DISC1: variants seen among roughly 807,000 people sequenced by gnomAD.
The protein encoded by DISC1 is disrupted in schizophrenia 1 protein.
Under a neutral mutation model 84.5 loss-of-function variants are expected in DISC1, and 57 were observed. The ratio of observed to expected loss-of-function variants is 0.67; its 90% CI spans 0.55 to 0.84. The LOEUF (loss-of-function observed/expected upper bound fraction) is 0.84. DISC1 is among the 40% of genes least tolerant of loss of function. The pLI is 0.00. For missense variants in DISC1, 1,000 were observed against 1,057.8 expected (o/e 0.95, Z 0.76); for synonymous variants, 411 against 415.2 (o/e 0.99, Z 0.12).
intron 1 of DISC1, among the ~76,000 whole-genome samples, chr1:231,661,032 G>C (rs1405571962): frequency 2.6e-5 from 4 of 152,110 alleles, no homozygotes; most frequent in African/African-American, 9.7e-5. Flanking sequence ...GAAATCTTGG[G>C]TTGGAAATTC....
At chr1:231,931,375 G>C (rs2126105967) in intron 9 of DISC1, among the ~76,000 whole-genome samples, 1 of 152,298 alleles carries the variant, frequency 6.6e-6, no homozygotes, top group South Asian at 2.1e-4. Context: ...GTGCATTTGT[G>C]TTGGCATGCC....
intron 9 of DISC1, among the ~76,000 whole-genome samples, chr1:231,860,694 T>G (rs1172874355): frequency 6.6e-6 from 1 of 152,184 alleles, no homozygotes; most frequent in African/African-American, 2.4e-5. Context: ...TTTTCTATCT[T>G]CAGACTTATC....
intron 10 of DISC1, among the ~76,000 whole-genome samples, chr1:232,001,443 G>A (rs973682973): frequency 2.6e-5 from 4 of 152,132 alleles, no homozygotes; most frequent in Non-Finnish European, 4.4e-5. Flanking sequence ...CATACTTAAA[G>A]TAGTAAAATA....
chr1:231,799,833 TTTCCCTTCTCTTTC>T (rs2079051531), intron 7 of DISC1, among the ~76,000 whole-genome samples: 1 of 110,196 alleles, frequency 9.1e-6, no homozygotes, highest in Non-Finnish European at 1.8e-5. Flanking sequence ...TCCCTCCCTC[TTTCCCTTCTCTTTC>T]CTTCCCTTCC....
intron 1 of DISC1, among the ~76,000 whole-genome samples, chr1:231,650,382 A>C (rs576281803): frequency 6.6e-6 from 1 of 152,308 alleles, no homozygotes; most frequent in East Asian, 1.9e-4. Flanking sequence ...AGAATATTGA[A>C]TATTGGCCCC....
At chr1:231,670,451 C>T (rs2062501242) in intron 1 of DISC1, among the ~76,000 whole-genome samples, 1 of 152,180 alleles carries the variant, frequency 6.6e-6, no homozygotes, top group African/African-American at 2.4e-5. Context: ...TGTGAGAGTG[C>T]CTTTGCAGCT....
chr1:231,769,560 C>T (rs1282921029), intron 5 of DISC1, among the ~76,000 whole-genome samples: 1 of 152,132 alleles, frequency 6.6e-6, no homozygotes, highest in Non-Finnish European at 1.5e-5. Context: ...CTAGAGGAGT[C>T]AAATTCATAG....
chr1:231,871,031 T>C (rs1322898181), intron 9 of DISC1, among the ~76,000 whole-genome samples: 1 of 151,978 alleles, frequency 6.6e-6, no homozygotes, highest in Non-Finnish European at 1.5e-5. Flanking sequence ...CTGTTGGGGA[T>C]GTGGTGGGGG....
At chr1:231,846,304 T>C (rs1384239472) in intron 9 of DISC1, among the ~76,000 whole-genome samples, 2 of 152,170 alleles carry the variant, frequency 1.3e-5, no homozygotes, top group African/African-American at 4.8e-5. Context: ...GCAAAGCCCA[T>C]GGAGGGGCCC....
chr1:231,803,627 G>A (rs1558573603), intron 8 of DISC1, among the ~76,000 whole-genome samples: 1 of 152,110 alleles, frequency 6.6e-6, no homozygotes, highest in Non-Finnish European at 1.5e-5. Flanking sequence ...CAGAGCCAGT[G>A]ATCTGAGGGA....
At chr1:231,709,183 T>A (rs2067477818) in intron 3 of DISC1, among the ~76,000 whole-genome samples, 1 of 152,222 alleles carries the variant, frequency 6.6e-6, no homozygotes, top group South Asian at 2.1e-4. Context: ...ATAGTGACTT[T>A]GAGCATTGCC....
At chr1:231,701,607 A>C (rs919867868) in intron 2 of DISC1, among the ~76,000 whole-genome samples, 4 of 152,180 alleles carry the variant, frequency 2.6e-5, no homozygotes. Context: ...CATAATTTAA[A>C]TGTGAGGTTT....
intron 9 of DISC1, 47 bp downstream of exon 9, chr1:231,818,564 T>C (rs1325042507): frequency 6.2e-7 from 1 of 1,610,668 alleles, no homozygotes; most frequent in Admixed American, 1.7e-5. Context: ...ATGATATTTG[T>C]TGTGTTTTGT....
intron 10 of DISC1, among the ~76,000 whole-genome samples, chr1:231,992,148 A>G (rs1665290321): frequency 6.6e-6 from 1 of 152,224 alleles, no homozygotes. Context: ...AGTGAAAAGG[A>G]CATGTGCATT....
rs551908283 is a variant in DISC1 at position 232,031,072 on chromosome 1, A to G, written c.2425+4520A>G. Among the ~76,000 whole-genome samples, 1 of 151,810 alleles carries G rather than the reference A, an allele frequency of 6.6e-6. No homozygotes were observed. Among genetic ancestry groups the G allele is most frequent in the South Asian group, 2.1e-4 (1 of 4,802 alleles). On this transcript the variant is annotated intron_variant, in intron 12 of 12. Transcript: ENST00000439617. This position sits in a 1 kb window ranked among gnomAD's most constrained non-coding sequence, Gnocchi z 4.6. ...CAGTGAGCTGAGACTGCACACTACT[A>G]CACTCCAGCCTGGGCAACAAAGTAA...
chr1:231,945,415 G>A (rs554477170), intron 9 of DISC1, among the ~76,000 whole-genome samples: 141 of 152,270 alleles, frequency 9.3e-4, no homozygotes, highest in African/African-American at 3.2e-3. Flanking sequence ...TGAAACCAAT[G>A]AGAACAAAGA....
intron 10 of DISC1, among the ~76,000 whole-genome samples, chr1:231,991,683 G>A (rs1478511339): frequency 6.6e-6 from 1 of 152,146 alleles, no homozygotes; most frequent in African/African-American, 2.4e-5. Flanking sequence ...AGTGGACAAA[G>A]TATGTTACTT....
intron 9 of DISC1, among the ~76,000 whole-genome samples, chr1:231,840,857 G>T (rs1359575865): frequency 6.6e-6 from 1 of 152,024 alleles, no homozygotes; most frequent in Non-Finnish European, 1.5e-5. Flanking sequence ...TGTGGTGATG[G>T]TTACAAGTTA....
chr1:231,658,370 G>A (rs2061310538), intron 1 of DISC1, among the ~76,000 whole-genome samples: 1 of 152,182 alleles, frequency 6.6e-6, no homozygotes, highest in South Asian at 2.1e-4. Context: ...AGCTTAAAAA[G>A]CTTTTGGGCT....
Sources: allele counts gnomAD v4.1 joint callset (sites outside exome capture counted in the v4.1 genomes callset), GRCh38; gene constraint gnomAD v4.1.1; non-coding constraint Gnocchi (gnomAD v3.1); transcripts MANE v1.5; gene names NCBI Gene and HGNC (gene_info 2026-07-23, HGNC 2026-07-21).